CPNE4: variants seen among roughly 807,000 people sequenced by gnomAD.
The protein encoded by CPNE4 is copine-4.
A neutral mutation model predicts 67.9 loss-of-function variants in CPNE4; 25 were observed. The observed-to-expected ratio is 0.37, with a 90% CI of 0.27 to 0.51. The LOEUF is 0.51. CPNE4 is among the 20% of genes least tolerant of loss of function. The probability of loss-of-function intolerance (pLI) is 0.93; values close to 1 mark genes in which losing one functional copy is unlikely to be tolerated. For missense variants in CPNE4, 464 were observed against 690.8 expected (o/e 0.67, Z 3.68); for synonymous variants, 242 against 244.9 (o/e 0.99, Z 0.11).
intron 1 of CPNE4, among the ~76,000 whole-genome samples, chr3:131,919,142 G>A (rs1583454587): frequency 6.6e-6 from 1 of 152,108 alleles, no homozygotes; most frequent in Non-Finnish European, 1.5e-5. Context: ...GGTATATCAA[G>A]GTGACCTTCA....
chr3:131,707,879 G>A (rs1233302908), intron 3 of CPNE4, among the ~76,000 whole-genome samples: 1 of 152,108 alleles, frequency 6.6e-6, no homozygotes, highest in Non-Finnish European at 1.5e-5. Flanking sequence ...AGTCTCCCTG[G>A]TATGGAACCC....
intron 7 of CPNE4, among the ~76,000 whole-genome samples, chr3:131,619,705 G>A (rs1345766331): frequency 6.6e-6 from 1 of 152,042 alleles, no homozygotes; most frequent in African/African-American, 2.4e-5. Flanking sequence ...GAGTCACTTT[G>A]GCGTATTTAT....
chr3:131,884,769 C>T (rs571920164), intron 2 of CPNE4, among the ~76,000 whole-genome samples: 35 of 152,178 alleles, frequency 2.3e-4, no homozygotes, highest in African/African-American at 6.0e-4. Flanking sequence ...CAGGGGTTTC[C>T]GCTTTTGCAT....
At chr3:131,778,654 G>T (rs533176697) in intron 2 of CPNE4, among the ~76,000 whole-genome samples, 4 of 152,032 alleles carry the variant, frequency 2.6e-5, no homozygotes, top group Non-Finnish European at 5.9e-5. Flanking sequence ...AGAGCAAGCT[G>T]GGAAAATTCC....
At chr3:132,004,731 T>C (rs1013428158) in intron 1 of CPNE4, among the ~76,000 whole-genome samples, 1 of 152,176 alleles carries the variant, frequency 6.6e-6, no homozygotes, top group South Asian at 2.1e-4. Context: ...CATCAAGAAA[T>C]TTCAAATAGC....
intron 2 of CPNE4, among the ~76,000 whole-genome samples, chr3:131,735,468 G>C (rs537253353): frequency 6.6e-6 from 1 of 152,304 alleles, no homozygotes; most frequent in Non-Finnish European, 1.5e-5. Flanking sequence ...CCTTCCCACT[G>C]TACCCTTCCC....
chr3:131,949,921 C>T (rs1460019492), intron 1 of CPNE4, among the ~76,000 whole-genome samples: 2 of 152,036 alleles, frequency 1.3e-5, no homozygotes, highest in Admixed American at 6.6e-5. Context: ...TCATCCATTC[C>T]CTTCATGAAG....
At chr3:131,777,323 T>A (rs2083314464) in intron 2 of CPNE4, among the ~76,000 whole-genome samples, 1 of 151,870 alleles carries the variant, frequency 6.6e-6, no homozygotes, top group Non-Finnish European at 1.5e-5. Context: ...ATGTGAGATA[T>A]GTTCAGCTTT....
At chr3:131,668,346 C>A (rs2080314694) in intron 7 of CPNE4, among the ~76,000 whole-genome samples, 1 of 152,144 alleles carries the variant, frequency 6.6e-6, no homozygotes, top group Non-Finnish European at 1.5e-5. Context: ...ACTACTAAGG[C>A]AAACATCATC....
chr3:131,872,933 C>T (rs1256797499), intron 2 of CPNE4, among the ~76,000 whole-genome samples: 1 of 151,748 alleles, frequency 6.6e-6, no homozygotes, highest in Non-Finnish European at 1.5e-5. Flanking sequence ...ACAAACTAAC[C>T]TTTATGTGCC....
intron 7 of CPNE4, among the ~76,000 whole-genome samples, chr3:131,643,889 G>T (rs761098131): frequency 2.6e-5 from 4 of 152,112 alleles, no homozygotes; most frequent in Non-Finnish European, 4.4e-5. Flanking sequence ...CGCCACAATT[G>T]TAAGTTTTCT....
rs1168231898 is a variant in CPNE4 at position 131,534,862 on chromosome 3, A to G, written c.*333T>C. 2 of 180,874 alleles carry G rather than the reference A, an allele frequency of 1.1e-5. No individual in the cohort carries two copies. The highest frequency in any genetic ancestry group is 2.4e-5 in the African/African-American group (1 of 42,514). 11.2% of individuals were successfully genotyped at this position (180,874 alleles called of 1,614,324 possible). A position where few individuals can be genotyped will look rare whatever the true frequency, so the allele number is the denominator to read the frequency against. On this transcript the variant is annotated 3_prime_UTR_variant, in exon 16 of 16. Transcript: ENST00000429747. ...AATGTTTCAAAATGCTTTAGAGTGT[A>G]AAGATAAGAAATTTAGCAAAATTTC...
chr3:131,840,370 GC>G (rs1309493382), intron 2 of CPNE4, among the ~76,000 whole-genome samples: 1 of 152,146 alleles, frequency 6.6e-6, no homozygotes, highest in Non-Finnish European at 1.5e-5. Context: ...AAATATGTTG[GC>G]TAAATGCCAG....
At chr3:131,603,822 A>C (rs1939346640) in intron 7 of CPNE4, among the ~76,000 whole-genome samples, 1 of 152,162 alleles carries the variant, frequency 6.6e-6, no homozygotes, top group Admixed American at 6.6e-5. Flanking sequence ...ATTGTTCTGC[A>C]TAGTCCTCAG....
At chr3:131,739,426 T>C (rs1033218549) in intron 2 of CPNE4, among the ~76,000 whole-genome samples, 6 of 152,212 alleles carry the variant, frequency 3.9e-5, no homozygotes, top group Non-Finnish European at 8.8e-5. Context: ...TGACCCATGC[T>C]GCTGCTTCCC....
chr3:131,932,935 C>T (rs796900767), intron 1 of CPNE4, among the ~76,000 whole-genome samples: 3 of 152,180 alleles, frequency 2.0e-5, no homozygotes, highest in African/African-American at 4.8e-5. Flanking sequence ...CCAGAAGGAT[C>T]GCTTGAACCT....
intron 14 of CPNE4, 56 bp from the exon 15 acceptor site, chr3:131,542,849 G>A (rs1935585310): frequency 7.9e-7 from 1 of 1,267,106 alleles, no homozygotes; most frequent in Non-Finnish European, 1.1e-6. Context: ...GGGAGACAAG[G>A]ACAATACAAT....
intron 11 of CPNE4, 121 bp from the exon 12 acceptor site, chr3:131,555,672 C>T (rs1442686638): frequency 1.0e-5 from 8 of 764,034 alleles, no homozygotes; most frequent in Admixed American, 8.7e-5. Flanking sequence ...CCAGTGCTGA[C>T]TCATGCTTCT....
intron 7 of CPNE4, among the ~76,000 whole-genome samples, chr3:131,647,942 T>C (rs1025445474): frequency 1.3e-5 from 2 of 152,188 alleles, no homozygotes; most frequent in African/African-American, 4.8e-5. Context: ...ACTCTGTTTT[T>C]CTTCTCTTCT....
Sources: gnomAD v4.1 joint callset for allele counts (sites outside exome capture counted in the v4.1 genomes callset) on GRCh38, gnomAD v4.1.1 for gene constraint, MANE v1.5 for transcripts, NCBI Gene and HGNC (gene_info 2026-07-23, HGNC 2026-07-21) for gene names.